Variants in MCFD2 observed in about 807,000 individuals in gnomAD.
MCFD2 encodes the protein multiple coagulation factor deficiency protein 2.
In MCFD2, 11 loss-of-function variants were observed where a neutral mutation model predicts 12.8. The observed-to-expected ratio is 0.86, with a 90% CI of 0.54 to 1.42. MCFD2 has a LOEUF of 1.42. Ranked by LOEUF, MCFD2 falls within the 40% of genes most tolerant of loss-of-function variation. The pLI, the probability that MCFD2 is intolerant of heterozygous loss-of-function variation, is 0.00. For synonymous variants in MCFD2, 70 were observed against 68.1 expected, an observed-to-expected ratio of 1.03 and a Z score of -0.14; for missense variants, 191 against 178.6, an observed-to-expected ratio of 1.07 and a Z score of -0.40.
chr2:46,921,176 C>T (rs777759843), intron 1 of MCFD2, among the ~76,000 whole-genome samples: 2 of 151,998 alleles, frequency 1.3e-5, no homozygotes, highest in South Asian at 2.1e-4. Flanking sequence ...AGCTTTAAGC[C>T]GTTAGAGAAC....
Position 46,905,373 on chromosome 2 carries a change from T to C in MCFD2, c.*90A>G, listed in dbSNP as rs1668175364. The C allele has an allele frequency of 2.8e-6, 4 of 1,441,266 alleles. No individual in the cohort carries two copies. The highest frequency in any genetic ancestry group is 3.9e-6 in the Non-Finnish European group (4 of 1,026,114). The allele number at this position is 1,441,266 out of a possible 1,614,324, so 89.3% of individuals were successfully genotyped here. A position where few individuals can be genotyped will look rare whatever the true frequency, so the allele number is the denominator to read the frequency against. ...TTTTACCAAAATGCTGCAGCAGTAG[T>C]TGGAAATGAGTTATTTTGCATTACT... On this transcript the variant is annotated 3_prime_UTR_variant, in exon 4 of 4. Transcript: ENST00000319466.
intron 1 of MCFD2, among the ~76,000 whole-genome samples, chr2:46,936,617 C>T (rs1365610918): frequency 2.0e-5 from 3 of 152,236 alleles, no homozygotes; most frequent in South Asian, 2.1e-4. Context: ...ATGGCTTCCT[C>T]GGGCCAGACT....
intron 1 of MCFD2, among the ~76,000 whole-genome samples, chr2:46,938,756 G>A (rs895858831): frequency 2.0e-5 from 3 of 152,176 alleles, no homozygotes; most frequent in African/African-American, 4.8e-5. Flanking sequence ...GCTCATGCCT[G>A]TAATCCCAGC....
chr2:46,930,733 C>G (rs575248040), intron 1 of MCFD2, among the ~76,000 whole-genome samples: 1 of 152,218 alleles, frequency 6.6e-6, no homozygotes, highest in Non-Finnish European at 1.5e-5. Flanking sequence ...CTCCTGACCT[C>G]AGGTGATCCA....
At position 46,924,739 on chromosome 2, in the gene MCFD2, G is replaced by A. The variant is rs145762722; in HGVS notation, c.-7-16770C>T. ...CCTCCTGGGCTCAAGCCATCCTCCT[G>A]CCTCAGGCCCTGGAATAGCTGGGAC... On this transcript the variant is annotated intron_variant, in intron 1 of 2. Transcript: ENST00000409147. Among the ~76,000 whole-genome samples, 31 of 152,248 alleles carry A rather than the reference G, an allele frequency of 2.0e-4. No individual in the cohort carries two copies. The East Asian group carries it at 5.6e-3, about 28-fold the overall frequency.
At chr2:46,935,285 A>G (rs1483196870) in intron 1 of MCFD2, among the ~76,000 whole-genome samples, 1 of 152,114 alleles carries the variant, frequency 6.6e-6, no homozygotes, top group Non-Finnish European at 1.5e-5. Flanking sequence ...TTTCATCCTG[A>G]GCCCAGGAGT....
At position 46,909,289 on chromosome 2, in the gene MCFD2, G is replaced by C. The variant is rs563196288; in HGVS notation, c.-6-112C>G. 297 of 1,304,414 alleles carry C rather than the reference G, an allele frequency of 2.3e-4. No individual in the cohort carries two copies. The Middle Eastern group carries it at 5.0e-3, about 22-fold the overall frequency. The allele number at this position is 1,304,414 out of a possible 1,614,324, so 80.8% of individuals were successfully genotyped here. On this transcript the variant is annotated intron_variant, in intron 1 of 3. Coordinates refer to ENST00000319466, the MANE Select transcript of MCFD2 (RefSeq NM_139279.6). ...CCTGATGAAGCAGTAAGGTTAGGAA[G>C]AGAGCTTGTCAAACACGGCCCAATG...
Position 46,941,382 on chromosome 2 carries a change from C to T in MCFD2, c.-8+190G>A. ...GCTGCTGGTGCTGCTGCTGCTGCTG[C>T]TGCCCACCCTCCGCCGCCCGGGCCC... On this transcript the variant is annotated intron_variant, in intron 1 of 2. Transcript: ENST00000409147. The surrounding 1 kb of genome is among the most constrained non-coding windows in gnomAD (Gnocchi z 4.2). 2.0e-6 allele frequency: 1 copy of T among 503,198 alleles called. No homozygotes were observed. Among genetic ancestry groups the T allele is most frequent in the Non-Finnish European group, 2.8e-6 (1 of 354,562 alleles). 31.2% of individuals were successfully genotyped at this position (503,198 alleles called of 1,614,324 possible).
rs959028840 is a variant in MCFD2 at position 46,915,761 on chromosome 2, T to G, written c.-45A>C. ...GAAGCAGACGCGAAGCCCTCCAACG[T>G]GAGCCTCACCAGCCCCCGTCCCCAA... On this transcript the variant is annotated 5_prime_UTR_variant, in exon 1 of 4. Coordinates refer to ENST00000319466, the MANE Select transcript of MCFD2 (RefSeq NM_139279.6). 2.1e-6 allele frequency: 2 copies of G among 970,654 alleles called. No homozygotes were observed. Among genetic ancestry groups the G allele is most frequent in the Non-Finnish European group, 2.4e-6 (2 of 820,758 alleles). The allele number at this position is 970,654 out of a possible 1,614,324, so 60.1% of individuals were successfully genotyped here. A position where few individuals can be genotyped will look rare whatever the true frequency, so the allele number is the denominator to read the frequency against.
chr2:46,939,682 C>A (rs1255776942), intron 1 of MCFD2, among the ~76,000 whole-genome samples: 1 of 152,162 alleles, frequency 6.6e-6, no homozygotes, highest in African/African-American at 2.4e-5. Context: ...CACTCCCTGC[C>A]CCAGGGCTGA....
rs927338670 is a variant in MCFD2, at chr2:46,909,087, G to C, written c.85C>G (p.Pro29Ala). 5 of 1,614,118 alleles carry C rather than the reference G, an allele frequency of 3.1e-6. No individual in the cohort carries two copies. The highest frequency in any genetic ancestry group is 4.5e-5 in the East Asian group (2 of 44,890). ...FCAPGARAEE[P>A]AASFSQPGSM... is the part of the protein sequence containing the mutation. Reference sequence around the variant, plus strand: ...CCGGGTTGGGAGAAGCTGGCTGCAGGCTCCTCAGCCCTGGCGCCTGGGGCA... The same window carrying C: ...CCGGGTTGGGAGAAGCTGGCTGCAGCCTCCTCAGCCCTGGCGCCTGGGGCA... The change falls in exon 2 of 4, where the codon CCT (proline) becomes GCT (alanine). Residue 29 changes from proline to alanine, a missense_variant. By Grantham distance (27) the Pro-to-Ala change is conservative. Transcript: ENST00000319466.
Position 46,908,133 on chromosome 2 carries a change from C to T in MCFD2, c.150-164G>A, listed in dbSNP as rs1263967839. On this transcript the variant is annotated intron_variant, in intron 2 of 3. Coordinates refer to ENST00000319466, the MANE Select transcript of MCFD2 (RefSeq NM_139279.6). The surrounding 1 kb of genome is among the most constrained non-coding windows in gnomAD (Gnocchi z 4.5). Reference sequence around the variant, plus strand: ...AGGATTACACAGAGATAGACAAGGCCTTGAGAGGAGCAGGAAAAGTCAAAT... The same window carrying T: ...AGGATTACACAGAGATAGACAAGGCTTTGAGAGGAGCAGGAAAAGTCAAAT... 2 of 745,500 alleles carry T rather than the reference C, an allele frequency of 2.7e-6. No homozygotes were observed. Among genetic ancestry groups the T allele is most frequent in the Admixed American group, 2.1e-5 (1 of 48,042 alleles). 46.2% of individuals were successfully genotyped at this position (745,500 alleles called of 1,614,324 possible). A position where few individuals can be genotyped will look rare whatever the true frequency, so the allele number is the denominator to read the frequency against.
rs1021494343 is a variant in MCFD2 at position 46,902,636 on chromosome 2, A to G, written c.*2827T>C. 6.6e-6 allele frequency: 1 copy of G among 152,670 alleles called. No homozygotes were observed. The highest frequency in any genetic ancestry group is 2.4e-5 in the African/African-American group (1 of 41,460). The allele number at this position is 152,670 out of a possible 1,614,324, so 9.5% of individuals were successfully genotyped here. ...TAGTGTATCATTTCCAAAATGTCAG[A>G]GGATACAGAATCTTAGACTCTGTGG... On this transcript the variant is annotated 3_prime_UTR_variant, in exon 4 of 4. Coordinates refer to ENST00000319466, the MANE Select transcript of MCFD2 (RefSeq NM_139279.6).
chr2:46,919,363 G>A (rs1477571006), upstream of MCFD2, among the ~76,000 whole-genome samples: 1 of 152,124 alleles, frequency 6.6e-6, no homozygotes, highest in Non-Finnish European at 1.5e-5. Context: ...GTGAAACCCT[G>A]TCTCTACTAA....
At chr2:46,916,578 G>T (rs999170383), upstream of MCFD2, 20 of 153,536 alleles carry the variant, frequency 1.3e-4, no homozygotes, top group African/African-American at 4.1e-4. Context: ...TTAACATTCA[G>T]TAAGTATCCA....
intron 1 of MCFD2, among the ~76,000 whole-genome samples, chr2:46,909,407 A>C (rs1281713442): frequency 1.3e-5 from 2 of 152,248 alleles, no homozygotes; most frequent in African/African-American, 4.8e-5. Flanking sequence ...AAGTGCCTGC[A>C]GAGTGCCAAG....
In MCFD2 at chr2:46,908,991, C is replaced by T; in HGVS notation, c.149+32G>A. ...GGCTCAGCTGCAGATGATGGGGAGG[C>T]CACTGGACCACAGCCCGGGCTGAAT... is the stretch of plus-strand genomic sequence containing the variant. On this transcript the variant is annotated intron_variant, in intron 2 of 3. Coordinates refer to ENST00000319466, the MANE Select transcript of MCFD2 (RefSeq NM_139279.6). The surrounding 1 kb of genome is among the most constrained non-coding windows in gnomAD (Gnocchi z 4.5). 1 of 1,613,558 alleles carries T rather than the reference C, an allele frequency of 6.2e-7. No homozygotes were observed. Among genetic ancestry groups the T allele is most frequent in the Non-Finnish European group, 8.5e-7 (1 of 1,179,894 alleles).
chr2:46,928,991 T>A (rs927250584), intron 1 of MCFD2, among the ~76,000 whole-genome samples: 34 of 151,594 alleles, frequency 2.2e-4, no homozygotes, highest in Non-Finnish European at 4.6e-4. Flanking sequence ...GGCAAAACTC[T>A]GTCTCTACTA....
chr2:46,920,062 T>G (rs1457198498), upstream of MCFD2, among the ~76,000 whole-genome samples: 1 of 152,240 alleles, frequency 6.6e-6, no homozygotes, highest in African/African-American at 2.4e-5. Context: ...ATGATGGCCA[T>G]CTGCATTTGA....
Sources: allele counts gnomAD v4.1 joint callset (sites outside exome capture counted in the v4.1 genomes callset), GRCh38; gene constraint gnomAD v4.1.1; non-coding constraint Gnocchi (gnomAD v3.1); transcripts MANE v1.5; gene names NCBI Gene and HGNC (gene_info 2026-07-23, HGNC 2026-07-21).